The following CLMP variants were observed in gnomAD, a reference collection of about 807,000 sequenced individuals.
The protein encoded by CLMP is CXADR like cell adhesion molecule, also known as CXADR-like membrane protein.
In CLMP, 27 loss-of-function variants were observed where a neutral mutation model predicts 45.2. That is an observed-to-expected ratio of 0.60 (90% CI 0.44 to 0.82). The LOEUF (loss-of-function observed/expected upper bound fraction) is 0.82, where lower values mean the gene tolerates loss of function less well. Among genes scored for constraint, CLMP ranks in the 40% least tolerant of loss-of-function variants. The probability of loss-of-function intolerance (pLI) is 0.00; values close to 1 mark genes in which losing one functional copy is unlikely to be tolerated. For missense variants in CLMP, 403 were observed against 448.4 expected (o/e 0.90, Z 0.91); for synonymous variants, 167 against 171.4 (o/e 0.97, Z 0.20).
intron 1 of CLMP, among the ~76,000 whole-genome samples, chr11:123,148,007 A>C (rs1235533529): frequency 1.3e-5 from 2 of 152,134 alleles, no homozygotes; most frequent in Non-Finnish European, 2.9e-5. Flanking sequence ...CAGACTGTGT[A>C]AATTCACATC....
chr11:123,097,521 G>A (rs184480158), intron 2 of CLMP, among the ~76,000 whole-genome samples: 1 of 151,934 alleles, frequency 6.6e-6, no homozygotes, highest in African/African-American at 2.4e-5. Context: ...TAGAGACAAG[G>A]TTTCACCATG....
chr11:123,086,131 C>T (rs1302272052), intron 2 of CLMP, among the ~76,000 whole-genome samples: 3 of 150,192 alleles, frequency 2.0e-5, no homozygotes, highest in African/African-American at 7.4e-5. Flanking sequence ...AGGCTGGTCT[C>T]AAAGTCCTGA....
intron 1 of CLMP, among the ~76,000 whole-genome samples, chr11:123,150,755 C>T (rs139709660): frequency 4.6e-5 from 7 of 152,300 alleles, no homozygotes; most frequent in African/African-American, 1.4e-4. Context: ...CTCACTCTGT[C>T]GCTCAGGGTG....
chr11:123,178,847 G>T (rs189034409), intron 1 of CLMP, among the ~76,000 whole-genome samples: 1 of 152,214 alleles, frequency 6.6e-6, no homozygotes, highest in African/African-American at 2.4e-5. Flanking sequence ...CTCAGTTTAC[G>T]TATTGGTAGA....
intron 1 of CLMP, among the ~76,000 whole-genome samples, chr11:123,151,197 C>A (rs1179221867): frequency 6.6e-6 from 1 of 152,212 alleles, no homozygotes; most frequent in Non-Finnish European, 1.5e-5. Flanking sequence ...GGAGAGGGAA[C>A]CATTGGTTTC....
At chr11:123,126,780 C>G (rs1860901495) in intron 1 of CLMP, among the ~76,000 whole-genome samples, 2 of 151,742 alleles carry the variant, frequency 1.3e-5, no homozygotes, top group African/African-American at 2.4e-5. Context: ...GCCTGTAGTC[C>G]CAGCTACTTG....
At chr11:123,187,588 T>C (rs1268869827) in intron 1 of CLMP, among the ~76,000 whole-genome samples, 1 of 152,224 alleles carries the variant, frequency 6.6e-6, no homozygotes, top group Non-Finnish European at 1.5e-5. Context: ...CTTGATCCTA[T>C]TCATTTTCCC....
At chr11:123,120,845 G>A (rs1385517579) in intron 1 of CLMP, among the ~76,000 whole-genome samples, 2 of 151,880 alleles carry the variant, frequency 1.3e-5, no homozygotes, top group African/African-American at 4.8e-5. Flanking sequence ...AGCTGTTTGG[G>A]GCCGGGCGCG....
chr11:123,101,594 A>ATCTCAGAGACTGCTGGG (rs1215071880), intron 1 of CLMP, among the ~76,000 whole-genome samples: 1 of 152,180 alleles, frequency 6.6e-6, no homozygotes, highest in African/African-American at 2.4e-5. Flanking sequence ...GCTGGGGAGG[A>ATCTCAGAGACTGCTGGG]GCCCTCAGAG....
At chr11:123,180,203 T>G (rs1861751335) in intron 1 of CLMP, among the ~76,000 whole-genome samples, 1 of 152,232 alleles carries the variant, frequency 6.6e-6, no homozygotes, top group African/African-American at 2.4e-5. Flanking sequence ...GTAAATGAAG[T>G]AAATGATATA....
chr11:123,106,837 A>G (rs910745784), intron 1 of CLMP, among the ~76,000 whole-genome samples: 1 of 151,684 alleles, frequency 6.6e-6, no homozygotes, highest in East Asian at 2.0e-4. Context: ...TGGCTAACAC[A>G]GTGAAACCCC....
chr11:123,170,243 T>C (rs1861612126), intron 1 of CLMP, among the ~76,000 whole-genome samples: 1 of 152,096 alleles, frequency 6.6e-6, no homozygotes, highest in African/African-American at 2.4e-5. Flanking sequence ...CCGAGTCAGG[T>C]TGGAAAGCAG....
intron 1 of CLMP, among the ~76,000 whole-genome samples, chr11:123,139,184 G>A (rs529240123): frequency 4.6e-5 from 7 of 151,886 alleles, no homozygotes; most frequent in African/African-American, 1.2e-4. Context: ...TTTACTCTGC[G>A]GTCCTTTGCA....
chr11:123,106,730 T>A (rs1253980477), intron 1 of CLMP, among the ~76,000 whole-genome samples: 2 of 152,084 alleles, frequency 1.3e-5, no homozygotes, highest in African/African-American at 2.4e-5. Context: ...TATTAATAAT[T>A]GTACTTGTGG....
intron 1 of CLMP, among the ~76,000 whole-genome samples, chr11:123,122,930 C>A (rs1425951107): frequency 1.3e-5 from 2 of 152,112 alleles, no homozygotes; most frequent in Non-Finnish European, 2.9e-5. Context: ...AAGAAGTACA[C>A]AAATGCTCAG....
chr11:123,136,431 C>T (rs2135512889), intron 1 of CLMP: 3 of 389,988 alleles, frequency 7.7e-6, no homozygotes, highest in Non-Finnish European at 1.4e-5. Context: ...CCACCCCGCC[C>T]TCCTTGTCCC....
intron 1 of CLMP, among the ~76,000 whole-genome samples, chr11:123,150,201 A>AAC (rs113858165): frequency 0.028 from 4,025 of 142,218 alleles, 64 homozygotes; most frequent in Non-Finnish European, 0.03. Flanking sequence ...ACACACACTA[A>AAC]ACACACACAC....
intron 1 of CLMP, among the ~76,000 whole-genome samples, chr11:123,140,995 T>C (rs4435015): frequency 0.42 from 63,099 of 151,700 alleles, 14,192 homozygotes; most frequent in African/African-American, 0.59. Context: ...ATCCCTCACC[T>C]CTTGCTCCCT....
At chr11:123,108,390 A>G (rs1565384552) in intron 1 of CLMP, among the ~76,000 whole-genome samples, 1 of 152,204 alleles carries the variant, frequency 6.6e-6, no homozygotes. Context: ...TCTGGGAGTC[A>G]ATACAGTGCC....
Sources: gnomAD v4.1 joint callset for allele counts (sites outside exome capture counted in the v4.1 genomes callset) on GRCh38, gnomAD v4.1.1 for gene constraint, MANE v1.5 for transcripts, NCBI Gene and HGNC (gene_info 2026-07-23, HGNC 2026-07-21) for gene names.